The following XKR4 variants were observed in gnomAD, a reference collection of about 807,000 sequenced individuals.
XKR4 encodes XK related 4.
XKR4 carries 12 observed loss-of-function variants against 53.9 expected under a neutral mutation model. The observed-to-expected ratio is 0.22, with a 90% confidence interval of 0.14 to 0.36. The LOEUF is 0.36. XKR4 is among the 10% of genes least tolerant of loss of function. The pLI is 1.00. For missense variants in XKR4, 799 were observed against 859.5 expected (o/e 0.93, Z 0.88); for synonymous variants, 354 against 362.4 (o/e 0.98, Z 0.26).
chr8:55,188,621 G>A (rs1446205375), intron 1 of XKR4, among the ~76,000 whole-genome samples: 1 of 152,186 alleles, frequency 6.6e-6, no homozygotes, highest in African/African-American at 2.4e-5. Context: ...AACCAAGTAA[G>A]TTGATACCTA....
At chr8:55,207,304 C>T (rs1416181491) in intron 1 of XKR4, among the ~76,000 whole-genome samples, 7 of 152,192 alleles carry the variant, frequency 4.6e-5, no homozygotes, top group Admixed American at 3.9e-4. Context: ...CACAGTGGGA[C>T]ATTTGTGTCC....
chr8:55,481,768 T>C (rs528356633), intron 2 of XKR4, among the ~76,000 whole-genome samples: 75 of 152,174 alleles, frequency 4.9e-4, no homozygotes, highest in African/African-American at 1.7e-3. Context: ...AAGAAGACAT[T>C]TATGCAGCCA....
At chr8:55,485,148 C>A (rs1806173871) in intron 2 of XKR4, among the ~76,000 whole-genome samples, 1 of 152,198 alleles carries the variant, frequency 6.6e-6, no homozygotes, top group African/African-American at 2.4e-5. Flanking sequence ...CTACAGTTTA[C>A]AATGTACTTT....
intron 1 of XKR4, among the ~76,000 whole-genome samples, chr8:55,286,597 G>T (rs372589311): frequency 2.0e-5 from 3 of 152,186 alleles, no homozygotes; most frequent in East Asian, 3.9e-4. Context: ...CAGCAGGGCT[G>T]TTGGAGGTCC....
At chr8:55,138,547 AAT>A (rs1333866936) in intron 1 of XKR4, among the ~76,000 whole-genome samples, 2 of 152,240 alleles carry the variant, frequency 1.3e-5, no homozygotes, top group Non-Finnish European at 2.9e-5. Context: ...AGAGCACTTA[AAT>A]ATTTCTAAAG....
At chr8:55,407,469 G>T (rs1429085728) in intron 2 of XKR4, among the ~76,000 whole-genome samples, 2 of 152,226 alleles carry the variant, frequency 1.3e-5, no homozygotes, top group Non-Finnish European at 2.9e-5. Flanking sequence ...CGCTGTCCAC[G>T]CTGCCTCCGC....
chr8:55,235,122 C>T (rs1818101077), intron 1 of XKR4, among the ~76,000 whole-genome samples: 2 of 152,186 alleles, frequency 1.3e-5, no homozygotes, highest in Admixed American at 1.3e-4. Flanking sequence ...TTTGCTCCCA[C>T]CTTCTAAGGC....
chr8:55,306,774 A>G (rs1586001232), intron 1 of XKR4, among the ~76,000 whole-genome samples: 1 of 152,210 alleles, frequency 6.6e-6, no homozygotes, highest in African/African-American at 2.4e-5. Context: ...ATGGATTCAT[A>G]TAAGTGCTCA....
At position 55,524,616 on chromosome 8, in the gene XKR4, ACT is replaced by A. The variant is rs146542761; in HGVS notation, c.*390_*391del. 3.5e-3 allele frequency: 621 copies of A among 175,746 alleles called. 3 individuals are homozygous for A. The highest frequency in any genetic ancestry group is 0.013 in the African/African-American group (566 of 42,374). 10.9% of individuals were successfully genotyped at this position (175,746 alleles called of 1,614,324 possible). Reference sequence around the variant, plus strand: ...GATTCAGTCATACACACATACACACACTAACACACATAAGTTACACCAGTCCT... The same window carrying A: ...GATTCAGTCATACACACATACACACAAACACACATAAGTTACACCAGTCCT... On this transcript the variant is annotated 3_prime_UTR_variant, in exon 3 of 3. Transcript: ENST00000327381.
At chr8:55,499,482 T>G (rs1806404633) in intron 2 of XKR4, among the ~76,000 whole-genome samples, 1 of 152,212 alleles carries the variant, frequency 6.6e-6, no homozygotes, top group South Asian at 2.1e-4. Flanking sequence ...AAATAATGAC[T>G]GGCAAATATC....
chr8:55,292,658 TTTCC>T (rs1163715524), intron 1 of XKR4, among the ~76,000 whole-genome samples: 2 of 152,152 alleles, frequency 1.3e-5, no homozygotes, highest in Non-Finnish European at 2.9e-5. Context: ...ATCTTTATTA[TTTCC>T]TTCCTTCTAC....
At chr8:55,472,607 A>T (rs1805907021) in intron 2 of XKR4, among the ~76,000 whole-genome samples, 1 of 152,046 alleles carries the variant, frequency 6.6e-6, no homozygotes, top group South Asian at 2.1e-4. Context: ...AGAGAGAGGG[A>T]TGGGGTCCTG....
chr8:55,347,657 G>A (rs1803667843), intron 1 of XKR4, among the ~76,000 whole-genome samples: 2 of 152,174 alleles, frequency 1.3e-5, no homozygotes, highest in Non-Finnish European at 2.9e-5. Flanking sequence ...TGAAGAGGAG[G>A]CAGAACACAT....
At chr8:55,390,527 G>A (rs755394346) in intron 2 of XKR4, among the ~76,000 whole-genome samples, 4 of 152,138 alleles carry the variant, frequency 2.6e-5, no homozygotes, top group Non-Finnish European at 5.9e-5. Context: ...CTGTAAAACC[G>A]ACTCTTAGTA....
At chr8:55,504,808 G>T (rs563080821) in intron 2 of XKR4, among the ~76,000 whole-genome samples, 1 of 151,934 alleles carries the variant, frequency 6.6e-6, no homozygotes, top group Non-Finnish European at 1.5e-5. Flanking sequence ...CTAGGAATTT[G>T]TCCACTTCTT....
chr8:55,457,241 C>T (rs1563355939), intron 2 of XKR4, among the ~76,000 whole-genome samples: 2 of 150,868 alleles, frequency 1.3e-5, no homozygotes, highest in Admixed American at 1.3e-4. Context: ...CTCGCAGGTT[C>T]ACGCCATTCT....
In XKR4 at chr8:55,102,608, G is replaced by C; in HGVS notation, c.120G>C (p.Ser40=). 2.7e-6 allele frequency: 4 copies of C among 1,462,322 alleles called. No homozygotes were observed. The highest frequency in any genetic ancestry group is 3.6e-6 in the Non-Finnish European group (4 of 1,096,334). 90.6% of individuals were successfully genotyped at this position (1,462,322 alleles called of 1,614,324 possible). ...SVQGLAPGLP[S]GSGAEDEEAA... ...AGGGATTGGCTCCAGGCTTGCCGTC[G>C]GGGTCGGGAGCCGAGGACGAGGAGG... Residue 40 remains serine (S), a synonymous_variant, in exon 1 of 3, where the codon TCG becomes TCC. Transcript: ENST00000327381. This position sits in a 1 kb window ranked among gnomAD's most constrained non-coding sequence, Gnocchi z 5.1.
At chr8:55,444,831 T>C (rs1805322246) in intron 2 of XKR4, among the ~76,000 whole-genome samples, 1 of 152,218 alleles carries the variant, frequency 6.6e-6, no homozygotes, top group Non-Finnish European at 1.5e-5. Flanking sequence ...ATTCTTTTTC[T>C]ATGCATATGC....
chr8:55,124,522 T>C (rs758393339), intron 1 of XKR4, among the ~76,000 whole-genome samples: 1 of 152,212 alleles, frequency 6.6e-6, no homozygotes, highest in Non-Finnish European at 1.5e-5. Context: ...TCAGTTGGTG[T>C]CATTTTTAAT....
Sources: allele counts gnomAD v4.1 joint callset (sites outside exome capture counted in the v4.1 genomes callset), GRCh38; gene constraint gnomAD v4.1.1; non-coding constraint Gnocchi (gnomAD v3.1); transcripts MANE v1.5; gene names NCBI Gene and HGNC (gene_info 2026-07-23, HGNC 2026-07-21).